The following NTM variants were observed in gnomAD, a reference collection of about 807,000 sequenced individuals.
NTM encodes IgLON family member 2.
Under a neutral mutation model 42.1 loss-of-function variants are expected in NTM, and 13 were observed. The ratio of observed to expected loss-of-function variants is 0.31; its 90% CI spans 0.20 to 0.49. The LOEUF (loss-of-function observed/expected upper bound fraction) is 0.49. NTM is among the 20% of genes least tolerant of loss of function. NTM has a pLI of 0.99. For missense variants in NTM, 373 were observed against 452.8 expected (o/e 0.82, Z 1.60); for synonymous variants, 187 against 179.2 (o/e 1.04, Z -0.35).
chr11:131,395,412 T>G (rs1348306224), intron 1 of NTM, among the ~76,000 whole-genome samples: 4 of 152,188 alleles, frequency 2.6e-5, no homozygotes, highest in Non-Finnish European at 4.4e-5. Context: ...GCTCTCACAC[T>G]CTGTCTTGCT....
intron 1 of NTM, among the ~76,000 whole-genome samples, chr11:131,400,110 C>A (rs1285723621): frequency 6.6e-6 from 1 of 151,996 alleles, no homozygotes; most frequent in Non-Finnish European, 1.5e-5. Flanking sequence ...AGCTACCCTA[C>A]CCACCCCCCA....
chr11:131,738,365 T>C (rs1224474108), intron 1 of NTM, among the ~76,000 whole-genome samples: 1 of 152,214 alleles, frequency 6.6e-6, no homozygotes, highest in Non-Finnish European at 1.5e-5. Flanking sequence ...AAGAAGGGTC[T>C]CACACATTTC....
intron 2 of NTM, among the ~76,000 whole-genome samples, chr11:132,124,132 G>C (rs1344730314): frequency 6.6e-6 from 1 of 152,180 alleles, no homozygotes; most frequent in Non-Finnish European, 1.5e-5. Context: ...GCACACTCCA[G>C]TGATCAATAA....
intron 1 of NTM, among the ~76,000 whole-genome samples, chr11:131,529,176 A>G (rs1399170119): frequency 6.6e-6 from 1 of 152,228 alleles, no homozygotes; most frequent in East Asian, 1.9e-4. Flanking sequence ...GGCTGCGGCT[A>G]ATGGCACAAT....
chr11:131,486,178 T>A (rs1284367527), intron 1 of NTM, among the ~76,000 whole-genome samples: 1 of 152,182 alleles, frequency 6.6e-6, no homozygotes, highest in East Asian at 1.9e-4. Context: ...GCAGCATTAC[T>A]GTGGGTGTTC....
At chr11:131,824,294 A>C (rs2041877113) in intron 1 of NTM, among the ~76,000 whole-genome samples, 1 of 152,102 alleles carries the variant, frequency 6.6e-6, no homozygotes, top group Non-Finnish European at 1.5e-5. Flanking sequence ...ATTGGAGTTC[A>C]TTGTCCCCTA....
rs1438526995 is a variant in NTM, at chr11:131,785,184, C to T, written c.83-126380C>T. On this transcript the variant is annotated intron_variant, in intron 1 of 8. Coordinates refer to ENST00000683400, the MANE Select transcript of NTM (RefSeq NM_001352005.2). ...CCCATCAGTCTTGCTGAAGCTGACC[C>T]GTACAGCTTCTGGCCTTGTAACATA... Among the ~76,000 whole-genome samples, 3 of 152,280 alleles carry T rather than the reference C, an allele frequency of 2.0e-5. No homozygotes were observed. The East Asian group carries it at 5.8e-4, about 29-fold the overall frequency.
intron 1 of NTM, among the ~76,000 whole-genome samples, chr11:131,736,130 G>C (rs1355602850): frequency 6.6e-6 from 1 of 152,082 alleles, no homozygotes; most frequent in Non-Finnish European, 1.5e-5. Context: ...ACCACACCCA[G>C]CCTCATGAGA....
In NTM at chr11:131,703,885, C is replaced by A. The variant is rs566198842; in HGVS notation, c.83-207679C>A. On this transcript the variant is annotated intron_variant, in intron 1 of 8. Transcript: ENST00000683400. ...AATTCCAGGCCTATAGCCCCAGTTT[C>A]CAGGCCTGCCTCGATGGCCCCGGGC... 2.0e-5 allele frequency among the ~76,000 whole-genome samples: 3 copies of A among 152,272 alleles called. No homozygotes were observed. The East Asian group carries it at 5.8e-4, about 29-fold the overall frequency.
At chr11:131,909,949 C>G (rs1489163026) in intron 1 of NTM, 1 of 152,208 alleles carries the variant, frequency 6.6e-6, no homozygotes, top group Non-Finnish European at 1.5e-5. Context: ...TTTGCAGGCC[C>G]AGCATCTTTT....
chr11:131,826,487 G>A (rs982101361), intron 1 of NTM, among the ~76,000 whole-genome samples: 5 of 151,748 alleles, frequency 3.3e-5, no homozygotes, highest in Non-Finnish European at 7.4e-5. Context: ...ACAGAGCCAA[G>A]GTTGCAGACG....
chr11:131,650,039 A>C (rs2134324362), intron 1 of NTM, among the ~76,000 whole-genome samples: 1 of 152,334 alleles, frequency 6.6e-6, no homozygotes, highest in Non-Finnish European at 1.5e-5. Context: ...CAGGAAGCTT[A>C]GGCATCACCC....
intron 2 of NTM, among the ~76,000 whole-genome samples, chr11:131,925,619 A>G (rs2057842736): frequency 6.6e-6 from 1 of 152,104 alleles, no homozygotes; most frequent in South Asian, 2.1e-4. Context: ...TCCTGGGATC[A>G]AGTGATCTGC....
intron 6 of NTM, among the ~76,000 whole-genome samples, chr11:132,313,469 G>GT (rs112298068): frequency 3.1e-4 from 47 of 150,664 alleles, no homozygotes; most frequent in Non-Finnish European, 6.0e-4. Flanking sequence ...TCAAGAAGGG[G>GT]TTTTTTGCCC....
chr11:132,121,049 A>G (rs1049567803), intron 2 of NTM, among the ~76,000 whole-genome samples: 1 of 152,154 alleles, frequency 6.6e-6, no homozygotes. Flanking sequence ...TGATATGCTC[A>G]TCTGGTTTAA....
At chr11:131,379,124 C>T (rs542972234) in intron 1 of NTM, among the ~76,000 whole-genome samples, 191 of 152,332 alleles carry the variant, frequency 1.3e-3, no homozygotes, top group African/African-American at 4.0e-3. Flanking sequence ...GTTCATACTG[C>T]TGTGCCAGAC....
chr11:131,388,157 C>G (rs368997415), intron 1 of NTM, among the ~76,000 whole-genome samples: 5 of 152,294 alleles, frequency 3.3e-5, no homozygotes, highest in African/African-American at 9.6e-5. Context: ...ACCCTGCCTC[C>G]TGGGAGGGGC....
At chr11:131,671,302 G>A (rs930098404) in intron 1 of NTM, 14 of 392,166 alleles carry the variant, frequency 3.6e-5, no homozygotes, top group East Asian at 1.6e-4. Context: ...TCCCTGGGGC[G>A]CTATCTGGCG....
At chr11:131,526,803 G>T (rs1232967318) in intron 1 of NTM, among the ~76,000 whole-genome samples, 1 of 152,214 alleles carries the variant, frequency 6.6e-6, no homozygotes, top group African/African-American at 2.4e-5. Flanking sequence ...ATCAGGGGCT[G>T]GAGCAGAGGG....
Sources: allele counts gnomAD v4.1 joint callset (sites outside exome capture counted in the v4.1 genomes callset), GRCh38; gene constraint gnomAD v4.1.1; transcripts MANE v1.5; gene names NCBI Gene and HGNC (gene_info 2026-07-23, HGNC 2026-07-21).